The following EME2 variants were observed in gnomAD, a reference collection of about 807,000 sequenced individuals.
The protein encoded by EME2 is structure-specific endonuclease subunit EME2.
In EME2, 58 loss-of-function variants were observed where a neutral mutation model predicts 41.9. The ratio of observed to expected loss-of-function variants is 1.38; its 90% CI spans 1.12 to 1.72. The LOEUF (loss-of-function observed/expected upper bound fraction) is 1.72. Among genes scored for constraint, EME2 ranks in the 40% most tolerant of loss-of-function variants. The probability of loss-of-function intolerance (pLI) is 0.00; values close to 1 mark genes in which losing one functional copy is unlikely to be tolerated. For synonymous variants in EME2, 334 were observed against 239.3 expected (o/e 1.40, Z -3.65); for missense variants, 695 against 541.9 (o/e 1.28, Z -2.81).
rs1362496145 is a variant in EME2, at chr16:1,777,645, G to C, written c.*1407G>C. ...ACCCTGGGGCCTCAGGCTTCTGGGA[G>C]GAACCCTTTCAGAAAACCTCAGTGT... is the stretch of plus-strand genomic sequence containing the variant. On this transcript the variant is annotated 3_prime_UTR_variant, in exon 8 of 8. Coordinates refer to ENST00000568449, the MANE Select transcript of EME2 (RefSeq NM_001257370.2). The C allele has an allele frequency of 1.3e-6, 2 of 1,543,714 alleles. No homozygotes were observed. The highest frequency in any genetic ancestry group is 1.7e-6 in the Non-Finnish European group (2 of 1,144,046).
Position 1,772,890 on chromosome 16 carries a change from C to T in EME2, c.-338C>T, listed in dbSNP as rs1158749659. Reference sequence around the variant, plus strand: ...CCAGGACTTGCGCGTGACCAGGCGGCCCAGGCCGAAGAGCGGGAGGCGGCC... The same window carrying T: ...CCAGGACTTGCGCGTGACCAGGCGGTCCAGGCCGAAGAGCGGGAGGCGGCC... On this transcript the variant is annotated 5_prime_UTR_variant, in exon 1 of 8. Transcript: ENST00000568449. 3 of 1,452,660 alleles carry T rather than the reference C, an allele frequency of 2.1e-6. No homozygotes were observed. The highest frequency in any genetic ancestry group is 1.4e-5 in the South Asian group (1 of 71,904). 90.0% of individuals were successfully genotyped at this position (1,452,660 alleles called of 1,614,324 possible).
rs2042702924 is a variant in EME2 at position 1,775,818 on chromosome 16, C to T, written c.801C>T (p.Ala267=). 1 of 1,612,468 alleles carries T rather than the reference C, an allele frequency of 6.2e-7. No homozygotes were observed. The highest frequency in any genetic ancestry group is 8.5e-7 in the Non-Finnish European group (1 of 1,179,856). ...YPLKQYRESQ[A]FSFCTAGRWA... is the part of the protein sequence containing the mutation. The stretch of plus-strand genomic sequence containing the variant: ...CCAGGCAGTACCGGGAATCCCAGGC[C>T]TTCTCCTTCTGCACAGCAGGGCGCT... Residue 267 remains alanine, a synonymous_variant, in exon 7 of 8, where the codon GCC becomes GCT. Coordinates refer to ENST00000568449, the MANE Select transcript of EME2 (RefSeq NM_001257370.2).
chr16:1,774,875 G>T, intron 3 of EME2, 166 bp from the exon 4 acceptor site: 1 of 677,278 alleles, frequency 1.5e-6, no homozygotes. Context: ...CCTCGTGGGA[G>T]GCACAGAGCT....
rs1472487088 is a variant in EME2, at chr16:1,781,126, C to A, written c.*4888C>A. ...AGAGGAGAAAGCACAGTGAAGAATG[C>A]AGTGTGTTCTGAGGTCCTGTCACCC... On this transcript the variant is annotated 3_prime_UTR_variant, in exon 8 of 8. Transcript: ENST00000568449. 7.5e-6 allele frequency: 11 copies of A among 1,467,712 alleles called. No individual in the cohort carries two copies. The highest frequency in any genetic ancestry group is 9.1e-6 in the Non-Finnish European group (10 of 1,097,498). 90.9% of individuals were successfully genotyped at this position (1,467,712 alleles called of 1,614,324 possible).
chr16:1,777,877 G>C lies in EME2; in HGVS notation c.*1639G>C. The C allele has an allele frequency of 6.2e-7, 1 of 1,612,196 alleles. No homozygotes were observed. The highest frequency in any genetic ancestry group is 8.5e-7 in the Non-Finnish European group (1 of 1,179,756). On this transcript the variant is annotated 3_prime_UTR_variant, in exon 8 of 8. Transcript: ENST00000568449. ...CGCCCTTGTGGTGGAGGAGGCCTGG[G>C]GGCAGCCAGGGTCGCAGTGAGCCCG...
intron 2 of EME2, among the ~76,000 whole-genome samples, chr16:1,774,054 C>G (rs1209962101): frequency 6.6e-6 from 1 of 152,230 alleles, no homozygotes; most frequent in African/African-American, 2.4e-5. Flanking sequence ...TCGATTCAGG[C>G]TGTGGTCTGG....
At position 1,773,128 on chromosome 16, in the gene EME2, C is replaced by G; in HGVS notation, c.-100C>G. 1 of 1,390,284 alleles carries G rather than the reference C, an allele frequency of 7.2e-7. No individual in the cohort carries two copies. Among genetic ancestry groups the G allele is most frequent in the Non-Finnish European group, 9.3e-7 (1 of 1,077,648 alleles). The allele number at this position is 1,390,284 out of a possible 1,614,324, so 86.1% of individuals were successfully genotyped here. A position where few individuals can be genotyped will look rare whatever the true frequency, so the allele number is the denominator to read the frequency against. On this transcript the variant is annotated 5_prime_UTR_variant, in exon 1 of 8. Coordinates refer to ENST00000568449, the MANE Select transcript of EME2 (RefSeq NM_001257370.2). Reference sequence around the variant, plus strand: ...ACCTTCTTCCGCGCCATGGCGGGTCCGCGTCCTCAGCGGTCCGGCCGGAAG... The same window carrying G: ...ACCTTCTTCCGCGCCATGGCGGGTCGGCGTCCTCAGCGGTCCGGCCGGAAG...
Position 1,775,802 on chromosome 16 carries a change from A to G in EME2, c.785A>G (p.Tyr262Cys), listed in dbSNP as rs61746608. The stretch of plus-strand genomic sequence containing the variant: ...AGGCTTCTCTCTGTCCCCAGGCAGT[A>G]CCGGGAATCCCAGGCCTTCTCCTTC... ...KALAQYPLKQYRESQAFSFCT... is the reference protein window; with the variant it reads ...KALAQYPLKQCRESQAFSFCT... The change falls in exon 7 of 8, where the codon TAC becomes TGC. Residue 262 changes from tyrosine to cysteine, a missense_variant. Coordinates refer to ENST00000568449, the MANE Select transcript of EME2 (RefSeq NM_001257370.2). 1 of 1,612,376 alleles carries G rather than the reference A, an allele frequency of 6.2e-7. No homozygotes were observed. The highest frequency in any genetic ancestry group is 1.1e-5 in the South Asian group (1 of 91,050).
chr16:1,775,427 T>C lies in EME2; in HGVS notation c.663+19T>C, dbSNP rs1458255058. The C allele has an allele frequency of 6.2e-7, 1 of 1,611,472 alleles. No homozygotes were observed. Among genetic ancestry groups the C allele is most frequent in the Non-Finnish European group, 8.5e-7 (1 of 1,178,828 alleles). On this transcript the variant is annotated intron_variant, in intron 5 of 7. Coordinates refer to ENST00000568449, the MANE Select transcript of EME2 (RefSeq NM_001257370.2). ...GGAAGAGGTGAGGGCCTGTCTGAGC[T>C]GGGTGAGTCAGGTGGCCTGGGTCCC... is the stretch of plus-strand genomic sequence containing the variant.
intron 1 of EME2, 95 bp downstream of exon 1, chr16:1,773,569 G>T: frequency 6.6e-7 from 1 of 1,510,724 alleles, no homozygotes; most frequent in Non-Finnish European, 8.8e-7. Context: ...CGCGTGCCGA[G>T]GGGCCTGGGG....
At position 1,773,808 on chromosome 16, in the gene EME2, G is replaced by T; in HGVS notation, c.351G>T (p.Trp117Cys). 6.4e-7 allele frequency: 1 copy of T among 1,557,304 alleles called. No individual in the cohort carries two copies. The change falls in exon 2 of 8, where the codon TGG (tryptophan) becomes TGT (cysteine). Residue 117 changes from tryptophan (W) to cysteine (C), a missense_variant. Coordinates refer to ENST00000568449, the MANE Select transcript of EME2 (RefSeq NM_001257370.2). ...AGCGCCCGGCCCGCAGCCTGCGGTG[G>T]ACCCGAGCGAGTCCCGACCCCTGCC... ...EPQRPARSLR[W>C]TRASPDPCPR... is the part of the protein sequence containing the mutation.
In EME2 at chr16:1,776,468, A is replaced by AAC. The variant is rs2042714886; in HGVS notation, c.*233_*234dup. On this transcript the variant is annotated 3_prime_UTR_variant, in exon 8 of 8. Coordinates refer to ENST00000568449, the MANE Select transcript of EME2 (RefSeq NM_001257370.2). The stretch of plus-strand genomic sequence containing the variant: ...CTGGCGGTTCCTGTGCTGAGTCCTG[A>AAC]ACACGTAGGCCCCAGGGGAGGCCTC... 2.0e-6 allele frequency: 1 copy of AAC among 491,630 alleles called. No homozygotes were observed. The highest frequency in any genetic ancestry group is 2.5e-5 in the African/African-American group (1 of 40,376). The allele number at this position is 491,630 out of a possible 1,614,324, so 30.5% of individuals were successfully genotyped here. A position where few individuals can be genotyped will look rare whatever the true frequency, so the allele number is the denominator to read the frequency against.
At position 1,777,921 on chromosome 16, in the gene EME2, C is replaced by G; in HGVS notation, c.*1683C>G. ...GAGCCCGGGAGCTCCAGGCTCGGCC[C>G]CGCCCCACCCTGGGCCTCACGCACC... On this transcript the variant is annotated 3_prime_UTR_variant, in exon 8 of 8. Coordinates refer to ENST00000568449, the MANE Select transcript of EME2 (RefSeq NM_001257370.2). 5 of 1,612,072 alleles carry G rather than the reference C, an allele frequency of 3.1e-6. No homozygotes were observed. In the South Asian group the frequency reaches 3.3e-5, roughly 11 times the overall value.
chr16:1,773,170 G>A lies in EME2; in HGVS notation c.-58G>A, dbSNP rs1389462371. 1 of 1,415,842 alleles carries A rather than the reference G, an allele frequency of 7.1e-7. No individual in the cohort carries two copies. Among genetic ancestry groups the A allele is most frequent in the East Asian group, 2.7e-5 (1 of 36,446 alleles). The allele number at this position is 1,415,842 out of a possible 1,614,324, so 87.7% of individuals were successfully genotyped here. On this transcript the variant is annotated 5_prime_UTR_variant, in exon 1 of 8. It adds an upstream start codon to the 5' untranslated region. Coordinates refer to ENST00000568449, the MANE Select transcript of EME2 (RefSeq NM_001257370.2). ...GGCCGGAAGTCACCGGAAGAGGCCG[G>A]TGTCCCAGGCTAAAGTGTTCGGTCG...
At chr16:1,773,682 G>T in intron 1 of EME2, 23 bp from the exon 2 acceptor site, 1 of 1,547,864 alleles carries the variant, frequency 6.5e-7, no homozygotes, top group Non-Finnish European at 8.7e-7. Context: ...AGCAGTGACC[G>T]CGCTCCTCTC....
Position 1,775,997 on chromosome 16 carries a change from G to T in EME2, c.969+11G>T. 1.9e-6 allele frequency: 3 copies of T among 1,607,510 alleles called. No individual in the cohort carries two copies. The highest frequency in any genetic ancestry group is 2.5e-6 in the Non-Finnish European group (3 of 1,178,764). On this transcript the variant is annotated intron_variant, in intron 7 of 7. Coordinates refer to ENST00000568449, the MANE Select transcript of EME2 (RefSeq NM_001257370.2). ...CGCCTTCTGCAGCAGGTGGGCCCCT[G>T]CCTCCTCCAAGCCCTCCAGGTGCAG...
rs140683565 is a variant in EME2, at chr16:1,775,143, C to G, written c.569+11C>G. 6.2e-7 allele frequency: 1 copy of G among 1,611,654 alleles called. No homozygotes were observed. The highest frequency in any genetic ancestry group is 1.1e-5 in the South Asian group (1 of 91,070). On this transcript the variant is annotated intron_variant, in intron 4 of 7. Coordinates refer to ENST00000568449, the MANE Select transcript of EME2 (RefSeq NM_001257370.2). ...GGATGCCTACCTGTGGTACCGCTCA[C>G]TCTCATGCCCACAGCAGGGCTGGCT...
chr16:1,775,335 G>T lies in EME2; in HGVS notation c.590G>T (p.Arg197Leu). ...AYLWSRQHVSRGTQQPESPKV... is the reference protein window; with the variant it reads ...AYLWSRQHVSLGTQQPESPKV... ...CTCAGGTCTCGCCAGCACGTTTCCC[G>T]GGGGACACAGCAGCCAGAGAGCCCG... Residue 197 changes from arginine to leucine, a missense_variant, in exon 5 of 8, where the codon CGG becomes CTG. Physicochemically the swap from Arg to Leu is moderately radical, Grantham distance 102. Coordinates refer to ENST00000568449, the MANE Select transcript of EME2 (RefSeq NM_001257370.2). 5.0e-6 allele frequency: 8 copies of T among 1,610,536 alleles called. No homozygotes were observed. The highest frequency in any genetic ancestry group is 5.9e-6 in the Non-Finnish European group (7 of 1,179,982).
chr16:1,773,526 C>T (rs2042662658), intron 1 of EME2, 52 bp downstream of exon 1: 4 of 1,545,320 alleles, frequency 2.6e-6, no homozygotes, highest in South Asian at 2.4e-5. Flanking sequence ...CTTTCTCCGC[C>T]AGGCGGCGCC....
Sources: allele counts gnomAD v4.1 joint callset (sites outside exome capture counted in the v4.1 genomes callset), GRCh38; gene constraint gnomAD v4.1.1; transcripts MANE v1.5; gene names NCBI Gene and HGNC (gene_info 2026-07-23, HGNC 2026-07-21).